The following STARD9 variants were observed in gnomAD, a reference collection of about 807,000 sequenced individuals.
The protein encoded by STARD9 is stAR-related lipid transfer protein 9.
STARD9 carries 346 observed loss-of-function variants against 399.8 expected under a neutral mutation model. The observed-to-expected ratio is 0.87, with a 90% CI of 0.79 to 0.95. The LOEUF is 0.95. STARD9 is among the 40% of genes least tolerant of loss of function. The pLI, the probability that STARD9 is intolerant of heterozygous loss-of-function variation, is 0.00. For synonymous variants in STARD9, 2,203 were observed against 2,143.5 expected, an observed-to-expected ratio of 1.03 and a Z score of -0.77; for missense variants, 5,832 against 5,667.5, an observed-to-expected ratio of 1.03 and a Z score of -0.93.
At chr15:42,599,707 ACGTTT>A (rs1256464229) in intron 3 of STARD9, among the ~76,000 whole-genome samples, 1 of 152,222 alleles carries the variant, frequency 6.6e-6, no homozygotes, top group Non-Finnish European at 1.5e-5. Flanking sequence ...TGAACATGCC[ACGTTT>A]CCTAGCACAG....
chr15:42,609,961 T>C (rs138717526), intron 3 of STARD9, among the ~76,000 whole-genome samples: 5,764 of 151,830 alleles, frequency 0.038, 389 homozygotes, highest in African/African-American at 0.13. Context: ...AGCATGGTGG[T>C]GGGCTCCTGT....
intron 9 of STARD9, among the ~76,000 whole-genome samples, chr15:42,656,269 C>G (rs2059867988): frequency 7.4e-6 from 1 of 135,122 alleles, no homozygotes; most frequent in Non-Finnish European, 1.5e-5. Flanking sequence ...ATTGCTTGAA[C>G]CTGGGAGGCA....
At chr15:42,634,806 C>A in intron 3 of STARD9, 50 bp from the exon 4 acceptor site, 1 of 838,466 alleles carries the variant, frequency 1.2e-6, no homozygotes, top group Non-Finnish European at 1.8e-6. Context: ...TCTAAATCTG[C>A]TATGAGAAGA....
intron 21 of STARD9, 47 bp downstream of exon 21, chr15:42,681,659 C>G: frequency 7.0e-7 from 1 of 1,436,770 alleles, no homozygotes; most frequent in Non-Finnish European, 9.3e-7. Context: ...CTTATTCTTT[C>G]ATTTTCATGC....
intron 20 of STARD9, among the ~76,000 whole-genome samples, chr15:42,680,456 T>G: frequency 6.6e-6 from 1 of 151,778 alleles, no homozygotes; most frequent in East Asian, 1.9e-4. Context: ...AAAAATTAGC[T>G]GGGCGTGGTG....
intron 3 of STARD9, among the ~76,000 whole-genome samples, chr15:42,607,681 C>CAG (rs1555390509): frequency 6.7e-6 from 1 of 150,026 alleles, no homozygotes; most frequent in Non-Finnish European, 1.5e-5. Flanking sequence ...CACACACACA[C>CAG]ACACAAATAT....
chr15:42,644,469 G>A (rs2059607210), intron 7 of STARD9, among the ~76,000 whole-genome samples: 1 of 151,954 alleles, frequency 6.6e-6, no homozygotes, highest in Admixed American at 6.6e-5. Flanking sequence ...CTCCAGCCTG[G>A]GTGACAGAGT....
chr15:42,601,501 A>C (rs1369052931), intron 3 of STARD9, among the ~76,000 whole-genome samples: 1 of 141,608 alleles, frequency 7.1e-6, no homozygotes, highest in African/African-American at 2.8e-5. Context: ...GCTGCCCCCC[A>C]CCTCCCGGAT....
rs891004245 is a variant in STARD9 at position 42,689,309 on chromosome 15, C to T, written c.7731C>T (p.Tyr2577=). 2.3e-5 allele frequency: 36 copies of T among 1,537,130 alleles called. No homozygotes were observed. The highest frequency in any genetic ancestry group is 3.0e-5 in the Non-Finnish European group (34 of 1,146,932). The change falls in exon 23 of 33, where the codon TAC becomes TAT. Residue 2577 remains tyrosine (Y), a synonymous_variant. Coordinates refer to ENST00000290607, the MANE Select transcript of STARD9 (RefSeq NM_020759.3). ...DFVARGTVLS[Y]CETLLEPECS... ...TGGCCAGGGGCACAGTCCTTTCTTACTGTGAAACTTTACTAGAACCCGAAT... is the reference window on the plus strand; with the variant it reads ...TGGCCAGGGGCACAGTCCTTTCTTATTGTGAAACTTTACTAGAACCCGAAT...
At chr15:42,620,697 A>G (rs891833084) in intron 3 of STARD9, among the ~76,000 whole-genome samples, 1 of 151,864 alleles carries the variant, frequency 6.6e-6, no homozygotes, top group African/African-American at 2.4e-5. Flanking sequence ...ACTTACGAAG[A>G]TTACAGGCCA....
chr15:42,683,810 C>T (rs1182531378), intron 22 of STARD9, among the ~76,000 whole-genome samples: 1 of 151,916 alleles, frequency 6.6e-6, no homozygotes, highest in Non-Finnish European at 1.5e-5. Flanking sequence ...CTTTTGGTTC[C>T]TCATAATACC....
chr15:42,656,348 A>G (rs1385496519), intron 9 of STARD9, among the ~76,000 whole-genome samples: 2 of 144,830 alleles, frequency 1.4e-5, no homozygotes, highest in African/African-American at 5.3e-5. Flanking sequence ...AAAAAAAAAA[A>G]AAAAAAAAAA....
rs545422838 is a variant in STARD9, at chr15:42,718,885, T to C, written c.13976T>C (p.Val4659Ala). 1.2e-5 allele frequency: 18 copies of C among 1,537,174 alleles called. No individual in the cohort carries two copies. The South Asian group carries it at 2.1e-4, about 18-fold the overall frequency. ...CCCATCACTGTGGAAGGGAAGGAAGTCACCAGAGTCATCTACTTGGCCCAG... is the reference window on the plus strand; with the variant it reads ...CCCATCACTGTGGAAGGGAAGGAAGCCACCAGAGTCATCTACTTGGCCCAG... ...LQPITVEGKE[V>A]TRVIYLAQVE... The change falls in exon 32 of 33, where the codon GTC becomes GCC. Residue 4659 changes from valine (V) to alanine (A), a missense_variant. This residue lies in a region of STARD9 where 5,828 missense variants were observed against 5,651.1 expected (regional missense o/e 1.03). Transcript: ENST00000290607.
In STARD9 at chr15:42,583,358, A is replaced by C; in HGVS notation, c.60A>C (p.Glu20Asp). Residue 20 changes from glutamate (E) to aspartate (D), a missense_variant, in exon 2 of 33, where the codon GAA (glutamate) becomes GAC (aspartate). Transcript: ENST00000290607. Reference sequence around the variant, plus strand: ...GTCTTGTTTCTAGGGAGACCAAAGAAGGGGGAAGAATTATTGTGGAAGTTG... The same window carrying C: ...GTCTTGTTTCTAGGGAGACCAAAGACGGGGGAAGAATTATTGTGGAAGTTG... Reference protein sequence around the residue: ...VRPLSKRETKEGGRIIVEVDG... With the variant: ...VRPLSKRETKDGGRIIVEVDG... The C allele has an allele frequency of 6.5e-7, 1 of 1,536,874 alleles. No individual in the cohort carries two copies. The highest frequency in any genetic ancestry group is 8.7e-7 in the Non-Finnish European group (1 of 1,146,486).
At chr15:42,604,788 CAT>C (rs1320157836) in intron 3 of STARD9, among the ~76,000 whole-genome samples, 12 of 151,724 alleles carry the variant, frequency 7.9e-5, no homozygotes, top group African/African-American at 1.2e-4. Context: ...AGACTACAAA[CAT>C]GTGCCACCAC....
At chr15:42,582,766 T>A (rs1326812545) in intron 1 of STARD9, among the ~76,000 whole-genome samples, 2 of 152,186 alleles carry the variant, frequency 1.3e-5, no homozygotes, top group African/African-American at 4.8e-5. Flanking sequence ...GATCATAGCT[T>A]GCTGCAGCCT....
At chr15:42,651,206 AAC>A in intron 8 of STARD9, 121 bp downstream of exon 8, 2 of 612,324 alleles carry the variant, frequency 3.3e-6, no homozygotes, top group Non-Finnish European at 5.4e-6. Context: ...AGATGTTCAC[AAC>A]CAGGAGGCTC....
chr15:42,707,784 A>G lies in STARD9; in HGVS notation c.13285-8893A>G, dbSNP rs151166224. 2.7e-3 allele frequency among the ~76,000 whole-genome samples: 408 copies of G among 152,276 alleles called. 1 individual carries two copies. The highest frequency in any genetic ancestry group is 0.016 in the South Asian group (77 of 4,828). ...ACAGTATATAAATACAACATACACA[A>G]CAATCACTTTTTGCAAGAACACATA... On this transcript the variant is annotated intron_variant, in intron 26 of 32. Transcript: ENST00000290607.
intron 7 of STARD9, among the ~76,000 whole-genome samples, chr15:42,647,426 T>G (rs376096284): frequency 2.0e-5 from 3 of 152,208 alleles, no homozygotes; most frequent in Non-Finnish European, 2.9e-5. Context: ...TATTATTACA[T>G]GCATACAAAA....
Sources: allele counts gnomAD v4.1 joint callset (sites outside exome capture counted in the v4.1 genomes callset), GRCh38; gene constraint gnomAD v4.1.1; regional missense constraint gnomAD v4.1.1; transcripts MANE v1.5; gene names NCBI Gene and HGNC (gene_info 2026-07-23, HGNC 2026-07-21).